The following CC2D2B variants were observed in gnomAD, a reference collection of about 807,000 sequenced individuals.
CC2D2B encodes protein CC2D2B.
CC2D2B carries 128 observed loss-of-function variants against 161.2 expected under a neutral mutation model. That is an observed-to-expected ratio of 0.79 (90% CI 0.69 to 0.92). The LOEUF is 0.92. Ranked by LOEUF, CC2D2B falls within the 40% of genes least tolerant of loss-of-function variation. The pLI is 0.00. For synonymous variants in CC2D2B, 391 were observed against 449.8 expected (o/e 0.87, Z 1.65); for missense variants, 1,173 against 1,375.1 (o/e 0.85, Z 2.32).
chr10:95,944,150 G>T (rs1414038724), intron 9 of CC2D2B, among the ~76,000 whole-genome samples: 1 of 152,114 alleles, frequency 6.6e-6, no homozygotes, highest in African/African-American at 2.4e-5. Flanking sequence ...GTCACTGTAT[G>T]CTTTTAGGGT....
At chr10:95,927,498 T>C (rs765987571) in intron 6 of CC2D2B, among the ~76,000 whole-genome samples, 166 bp downstream of exon 6, 9 of 152,218 alleles carry the variant, frequency 5.9e-5, no homozygotes, top group Admixed American at 2.0e-4. Context: ...CTAGCATTTA[T>C]TGAGTGCACT....
At chr10:95,923,709 G>A (rs529902195) in intron 3 of CC2D2B, among the ~76,000 whole-genome samples, 3 of 152,170 alleles carry the variant, frequency 2.0e-5, no homozygotes, top group South Asian at 2.1e-4. Context: ...ATGTACCCAC[G>A]ATAATTAAAA....
chr10:95,983,532 G>A, intron 18 of CC2D2B, 74 bp from the exon 19 acceptor site: 1 of 640,710 alleles, frequency 1.6e-6, no homozygotes, highest in Admixed American at 4.4e-5. Flanking sequence ...CTCACAGTTG[G>A]GGAAAAAGTC....
At position 95,944,267 on chromosome 10, in the gene CC2D2B, C is replaced by G. The variant is rs77430876; in HGVS notation, c.801+5342C>G. On this transcript the variant is annotated intron_variant, in intron 9 of 34. Coordinates refer to ENST00000646931, the MANE Select transcript of CC2D2B (RefSeq NM_001349008.3). The stretch of plus-strand genomic sequence containing the variant: ...TCATACCATGAGAGACTAGCAATGT[C>G]TCTGCCCCATCCTAATTCATAGTGG... Among the ~76,000 whole-genome samples, 760 of 152,254 alleles carry G rather than the reference C, an allele frequency of 5.0e-3. 7 individuals carry two copies. The highest frequency in any genetic ancestry group is 0.017 in the African/African-American group (716 of 41,550).
At chr10:95,967,779 G>C (rs2076991694) in intron 14 of CC2D2B, among the ~76,000 whole-genome samples, 1 of 152,136 alleles carries the variant, frequency 6.6e-6, no homozygotes, top group African/African-American at 2.4e-5. Context: ...CCAACAGGGA[G>C]ATAAGAATAG....
intron 15 of CC2D2B, among the ~76,000 whole-genome samples, chr10:95,969,674 T>G (rs996286858): frequency 3.3e-5 from 5 of 152,192 alleles, no homozygotes; most frequent in Non-Finnish European, 7.3e-5. Context: ...TATTCATGTA[T>G]TCAGGTTTCC....
At chr10:96,012,774 A>G in intron 28 of CC2D2B, 45 bp downstream of exon 28, 1 of 1,183,498 alleles carries the variant, frequency 8.4e-7, no homozygotes, top group South Asian at 1.2e-5. Context: ...ATTAAAGGGC[A>G]TCTGTGAAGA....
At chr10:95,947,777 A>C (rs1362102616) in intron 9 of CC2D2B, among the ~76,000 whole-genome samples, 1 of 152,046 alleles carries the variant, frequency 6.6e-6, no homozygotes, top group African/African-American at 2.4e-5. Context: ...AGATGGACTA[A>C]AACAGTTGAA....
intron 22 of CC2D2B, among the ~76,000 whole-genome samples, chr10:95,993,952 GTATATATATATATATA>G (rs1169560460): frequency 5.5e-4 from 10 of 18,180 alleles, no homozygotes; most frequent in South Asian, 2.3e-3. Flanking sequence ...GTATGTATGT[GTATATATATATATATA>G]TATATATATA....
At chr10:95,929,705 T>C (rs2098546270) in intron 6 of CC2D2B, among the ~76,000 whole-genome samples, 1 of 152,212 alleles carries the variant, frequency 6.6e-6, no homozygotes, top group African/African-American at 2.4e-5. Context: ...CAGATGGTTG[T>C]AGATGTGTAG....
chr10:96,024,514 A>G (rs80324484), intron 32 of CC2D2B, among the ~76,000 whole-genome samples: 7,308 of 152,282 alleles, frequency 0.048, 305 homozygotes, highest in African/African-American at 0.11. Context: ...TGAAGACTTC[A>G]CCAAGGTCAC....
In CC2D2B at chr10:95,993,950, GTGTATATATATA is replaced by G. The variant is rs1483831731; in HGVS notation, c.2642+1255_2642+1266del. Among the ~76,000 whole-genome samples, 45 of 13,712 alleles carry G rather than the reference GTGTATATATATA, an allele frequency of 3.3e-3. 2 individuals are homozygous for G. Among genetic ancestry groups the G allele is most frequent in the African/African-American group, 0.01 (39 of 3,760 alleles). The allele number at this position is 13,712 out of a possible 152,430, so 9.0% of individuals were successfully genotyped here. On this transcript the variant is annotated intron_variant, in intron 22 of 34. Transcript: ENST00000646931. ...TGTGTGTGTGTGTGTGTGTATGTAT[GTGTATATATATA>G]TATATATATATATATATATATATAT...
intron 33 of CC2D2B, among the ~76,000 whole-genome samples, chr10:96,025,192 A>AAAATAT (rs1284499689): frequency 3.5e-4 from 17 of 49,168 alleles, no homozygotes; most frequent in African/African-American, 1.2e-3. Context: ...TATAAAAAAA[A>AAAATAT]ATATATATAT....
At chr10:95,982,613 C>T (rs2077570666) in intron 18 of CC2D2B, among the ~76,000 whole-genome samples, 1 of 152,178 alleles carries the variant, frequency 6.6e-6, no homozygotes, top group African/African-American at 2.4e-5. Flanking sequence ...CTTATTCACC[C>T]TGCAAGTCTA....
At chr10:95,919,966 A>T (rs959201951) in intron 2 of CC2D2B, 4 of 151,746 alleles carry the variant, frequency 2.6e-5, no homozygotes, top group African/African-American at 9.7e-5. Context: ...TGGTGACTAT[A>T]CCCTGACTAC....
chr10:95,931,392 T>G lies in CC2D2B; in HGVS notation c.336+4060T>G, dbSNP rs936923392. Among the ~76,000 whole-genome samples, 10 of 152,208 alleles carry G rather than the reference T, an allele frequency of 6.6e-5. No individual in the cohort carries two copies. In the East Asian group the frequency reaches 1.9e-3, roughly 29 times the overall value. ...GTGTCTCTATCTCCTTCAGTTCTGC[T>G]CTGATCTTAGTTATTTCTTGTCTTC... On this transcript the variant is annotated intron_variant, in intron 6 of 34. Transcript: ENST00000646931.
At chr10:95,922,903 G>A (rs922349340) in intron 3 of CC2D2B, among the ~76,000 whole-genome samples, 2 of 151,984 alleles carry the variant, frequency 1.3e-5, no homozygotes, top group East Asian at 1.9e-4. Context: ...GGGCTCAAGC[G>A]GTGGTCCCAC....
intron 2 of CC2D2B, among the ~76,000 whole-genome samples, chr10:95,918,485 A>G (rs1204180473): frequency 6.6e-6 from 1 of 152,240 alleles, no homozygotes; most frequent in Non-Finnish European, 1.5e-5. Context: ...GCTGCCAGAT[A>G]TATTGGAGTT....
intron 25 of CC2D2B, 69 bp from the exon 26 acceptor site, chr10:96,009,756 C>T: frequency 5.3e-6 from 3 of 567,382 alleles, no homozygotes; most frequent in Non-Finnish European, 8.7e-6. Context: ...TTTATATTTA[C>T]CTGTGAGTTT....
Sources: gnomAD v4.1 joint callset for allele counts (sites outside exome capture counted in the v4.1 genomes callset) on GRCh38, gnomAD v4.1.1 for gene constraint, MANE v1.5 for transcripts, NCBI Gene and HGNC (gene_info 2026-07-23, HGNC 2026-07-21) for gene names.